EPHA6: variants seen among roughly 807,000 people sequenced by gnomAD.
EPHA6 encodes the protein EPH receptor A6.
EPHA6 carries 50 observed loss-of-function variants against 112.0 expected under a neutral mutation model. The ratio of observed to expected loss-of-function variants is 0.45; its 90% confidence interval spans 0.36 to 0.56. EPHA6 has a LOEUF of 0.56. EPHA6 is among the 20% of genes least tolerant of loss of function. EPHA6 has a pLI of 0.00. For missense variants in EPHA6, 1,280 were observed against 1,417.4 expected (o/e 0.90, Z 1.56); for synonymous variants, 529 against 490.7 (o/e 1.08, Z -1.03).
rs540072296 is a variant in EPHA6, at chr3:97,031,910, C to A, written c.1114+43917C>A. ...GTGGCGATTCATCAGGAATCTAGAA[C>A]TAGAAATACCATTTGACCCAGCCAT... is the stretch of plus-strand genomic sequence containing the variant. On this transcript the variant is annotated intron_variant, in intron 3 of 17. Transcript: ENST00000389672. Among the ~76,000 whole-genome samples, 6 of 152,216 alleles carry A rather than the reference C, an allele frequency of 3.9e-5. No homozygotes were observed. In the South Asian group the frequency reaches 1.2e-3, roughly 32 times the overall value.
At chr3:97,478,015 A>G (rs1300252674) in intron 8 of EPHA6, among the ~76,000 whole-genome samples, 2 of 152,046 alleles carry the variant, frequency 1.3e-5, no homozygotes, top group African/African-American at 4.8e-5. Context: ...TTATTATTAT[A>G]CTTTAAGTTC....
intron 3 of EPHA6, among the ~76,000 whole-genome samples, chr3:97,187,080 G>A (rs897590698): frequency 5.9e-5 from 9 of 152,022 alleles, no homozygotes; most frequent in African/African-American, 1.9e-4. Context: ...GAAATGACCC[G>A]AAATCTCCGT....
chr3:96,836,575 T>C (rs995403159), intron 1 of EPHA6, among the ~76,000 whole-genome samples: 1 of 152,184 alleles, frequency 6.6e-6, no homozygotes, highest in Non-Finnish European at 1.5e-5. Flanking sequence ...AATCAAGTCA[T>C]TTAATCATTC....
At chr3:97,010,326 C>T (rs1437811521) in intron 3 of EPHA6, among the ~76,000 whole-genome samples, 1 of 152,156 alleles carries the variant, frequency 6.6e-6, no homozygotes. Flanking sequence ...TTTTGGAATA[C>T]AGCCAAGTTA....
chr3:97,630,661 T>C (rs1260235543), intron 13 of EPHA6, among the ~76,000 whole-genome samples: 1 of 152,022 alleles, frequency 6.6e-6, no homozygotes, highest in Non-Finnish European at 1.5e-5. Context: ...TGGGCAGACT[T>C]ATAGAAGCCT....
intron 10 of EPHA6, among the ~76,000 whole-genome samples, chr3:97,508,899 A>G (rs2092310274): frequency 7.3e-6 from 1 of 137,674 alleles, no homozygotes; most frequent in East Asian, 2.2e-4. Context: ...TGATCCCTTT[A>G]TCATTATTTA....
Position 97,016,787 on chromosome 3 carries a change from A to G in EPHA6, c.1114+28794A>G, listed in dbSNP as rs1005561755. Among the ~76,000 whole-genome samples, 11 of 152,334 alleles carry G rather than the reference A, an allele frequency of 7.2e-5. No homozygotes were observed. In the East Asian group the frequency reaches 1.9e-3, roughly 27 times the overall value. On this transcript the variant is annotated intron_variant, in intron 3 of 17. Coordinates refer to ENST00000389672, the MANE Select transcript of EPHA6 (RefSeq NM_001080448.3). ...CTCTTTATGTTGGTTAACGTGTTCT[A>G]GAATTATCACAGGCATCTGCAGTAT... is the stretch of plus-strand genomic sequence containing the variant.
At chr3:97,241,745 C>G (rs2078851381) in intron 4 of EPHA6, among the ~76,000 whole-genome samples, 2 of 145,598 alleles carry the variant, frequency 1.4e-5, no homozygotes, top group Non-Finnish European at 1.5e-5. Context: ...AGAAGGGTGT[C>G]AGCCTTCTTG....
intron 13 of EPHA6, among the ~76,000 whole-genome samples, chr3:97,635,068 A>G (rs1283257805): frequency 2.0e-5 from 3 of 151,870 alleles, no homozygotes; most frequent in African/African-American, 7.3e-5. Context: ...AGAGTTTTGT[A>G]CCATTTGTGC....
intron 14 of EPHA6, chr3:97,646,250 G>A (rs2094061449): frequency 2.0e-6 from 3 of 1,535,128 alleles, no homozygotes; most frequent in Non-Finnish European, 2.6e-6. Flanking sequence ...GAAACAGAAG[G>A]GCCATGGGAG....
At chr3:97,233,515 T>G (rs1489329208) in intron 4 of EPHA6, among the ~76,000 whole-genome samples, 1 of 152,136 alleles carries the variant, frequency 6.6e-6, no homozygotes, top group East Asian at 1.9e-4. Flanking sequence ...TTTCCTGTTT[T>G]TCATTAACCA....
chr3:97,171,897 T>A (rs1431275423), intron 3 of EPHA6, among the ~76,000 whole-genome samples: 2 of 151,898 alleles, frequency 1.3e-5, no homozygotes, highest in Non-Finnish European at 2.9e-5. Flanking sequence ...TATGGAGTAA[T>A]TACTGAAGAA....
chr3:97,546,831 A>G (rs941942230), intron 11 of EPHA6, among the ~76,000 whole-genome samples: 1 of 152,014 alleles, frequency 6.6e-6, no homozygotes, highest in Non-Finnish European at 1.5e-5. Context: ...TCCATCACTG[A>G]TACCCTTTCT....
intron 5 of EPHA6, among the ~76,000 whole-genome samples, chr3:97,298,670 ATAT>A (rs1385776158): frequency 6.6e-6 from 1 of 152,154 alleles, no homozygotes; most frequent in East Asian, 1.9e-4. Flanking sequence ...AAAAAAAGAA[ATAT>A]TATTTAGTTA....
At chr3:96,973,521 C>T (rs2042395553) in intron 2 of EPHA6, among the ~76,000 whole-genome samples, 1 of 151,888 alleles carries the variant, frequency 6.6e-6, no homozygotes, top group South Asian at 2.1e-4. Flanking sequence ...TAAATCTGTA[C>T]TATTAAGAAT....
rs141439126 is a variant in EPHA6, at chr3:97,582,353, T to G, written c.2387-10259T>G. Among the ~76,000 whole-genome samples, 507 of 152,096 alleles carry G rather than the reference T, an allele frequency of 3.3e-3. 3 individuals carry two copies. Among genetic ancestry groups the G allele is most frequent in the African/African-American group, 0.011 (447 of 41,536 alleles). On this transcript the variant is annotated intron_variant, in intron 11 of 17. Transcript: ENST00000389672. ...CATAAAGCCACTCTTATGTCTTGGT[T>G]TTATACTCACCGGTAGGGAGATTTT...
At chr3:96,892,788 C>T (rs909543986) in intron 2 of EPHA6, among the ~76,000 whole-genome samples, 1 of 151,756 alleles carries the variant, frequency 6.6e-6, no homozygotes, top group African/African-American at 2.4e-5. Context: ...TAACCTGTTC[C>T]TTGAATTTCT....
At position 97,561,617 on chromosome 3, in the gene EPHA6, G is replaced by A. The variant is rs116384819; in HGVS notation, c.2386+29074G>A. 7.5e-3 allele frequency among the ~76,000 whole-genome samples: 1,145 copies of A among 152,144 alleles called. 16 individuals carry two copies. Among genetic ancestry groups the A allele is most frequent in the Middle Eastern group, 0.01 (3 of 294 alleles). Reference sequence around the variant, plus strand: ...CATCTCTGTAACATAAAAGTGCAAGGCAAAGCAGCAAGTGTTGATATAGAA... The same window carrying A: ...CATCTCTGTAACATAAAAGTGCAAGACAAAGCAGCAAGTGTTGATATAGAA... On this transcript the variant is annotated intron_variant, in intron 11 of 17. Coordinates refer to ENST00000389672, the MANE Select transcript of EPHA6 (RefSeq NM_001080448.3).
chr3:97,401,208 T>C (rs186862826), intron 5 of EPHA6, among the ~76,000 whole-genome samples: 252 of 151,916 alleles, frequency 1.7e-3, no homozygotes, highest in African/African-American at 2.0e-3. Context: ...GTTGATGTGA[T>C]AGTTAAAAAT....
Sources: gnomAD v4.1 joint callset for allele counts (sites outside exome capture counted in the v4.1 genomes callset) on GRCh38, gnomAD v4.1.1 for gene constraint, MANE v1.5 for transcripts, NCBI Gene and HGNC (gene_info 2026-07-23, HGNC 2026-07-21) for gene names.